The following DACH2 variants were observed in gnomAD, a reference collection of about 807,000 sequenced individuals.
The protein encoded by DACH2 is dachshund homolog 2.
DACH2 carries 17 observed loss-of-function variants against 35.8 expected under a neutral mutation model. The ratio of observed to expected loss-of-function variants is 0.48; its 90% CI spans 0.33 to 0.71. DACH2 has a LOEUF of 0.71. Among genes scored for constraint, DACH2 ranks in the 30% least tolerant of loss-of-function variants. DACH2 has a pLI of 0.02. For missense variants in DACH2, 469 were observed against 472.7 expected, an observed-to-expected ratio of 0.99 and a Z score of 0.07; for synonymous variants, 195 against 177.3, an observed-to-expected ratio of 1.10 and a Z score of -0.79.
At chrX:86,169,300 T>C (rs1373839522) in intron 1 of DACH2, among the ~76,000 whole-genome samples, 1 of 111,841 alleles carries the variant, frequency 8.9e-6, no homozygotes, top group Non-Finnish European at 1.9e-5. Flanking sequence ...TGTCATTTTT[T>C]CCTCTTACTG....
intron 4 of DACH2, among the ~76,000 whole-genome samples, chrX:86,683,359 C>T (rs943206216): frequency 1.8e-5 from 2 of 111,513 alleles, no homozygotes; most frequent in Non-Finnish European, 3.8e-5. Context: ...GAGCCATCTG[C>T]TTCTGCTTTC....
At chrX:86,784,118 A>G (rs1331443629) in intron 7 of DACH2, among the ~76,000 whole-genome samples, 1 of 110,216 alleles carries the variant, frequency 9.1e-6, no homozygotes, top group East Asian at 2.8e-4. Flanking sequence ...ATATACACCT[A>G]CAATGTACGG....
intron 4 of DACH2, among the ~76,000 whole-genome samples, chrX:86,682,121 A>T (rs1253743336): frequency 8.9e-6 from 1 of 111,816 alleles, no homozygotes; most frequent in Admixed American, 9.6e-5. Context: ...GGCCTTCAAT[A>T]CTTCATGATT....
At chrX:86,355,277 C>T (rs1216745872) in intron 1 of DACH2, among the ~76,000 whole-genome samples, 3 of 111,481 alleles carry the variant, frequency 2.7e-5, no homozygotes, top group Non-Finnish European at 5.7e-5. Context: ...GGTGTCCATA[C>T]ATATACACAT....
chrX:86,250,149 C>A (rs1049055661), intron 1 of DACH2, among the ~76,000 whole-genome samples: 5 of 111,416 alleles, frequency 4.5e-5, no homozygotes, highest in African/African-American at 1.6e-4. Context: ...CAAACCCCTG[C>A]ATTCCACAAT....
chrX:86,493,820 C>G (rs1450224907), intron 2 of DACH2, among the ~76,000 whole-genome samples: 3 of 111,914 alleles, frequency 2.7e-5, no homozygotes, highest in Admixed American at 1.9e-4. Context: ...CAGATAACAA[C>G]TTCATAATAA....
At chrX:86,709,236 G>A (rs866863889) in intron 5 of DACH2, among the ~76,000 whole-genome samples, 13 of 111,754 alleles carry the variant, frequency 1.2e-4, no homozygotes, top group Non-Finnish European at 2.4e-4. Context: ...AGAATAGAGA[G>A]CCTAGAAATA....
intron 1 of DACH2, among the ~76,000 whole-genome samples, chrX:86,168,382 A>G (rs1414433491): frequency 9.0e-6 from 1 of 111,048 alleles, no homozygotes; most frequent in East Asian, 2.8e-4. Flanking sequence ...TTCCATTGAC[A>G]TGGAATATTT....
At chrX:86,468,296 A>G (rs899798178) in intron 2 of DACH2, among the ~76,000 whole-genome samples, 3 of 111,452 alleles carry the variant, frequency 2.7e-5, no homozygotes, top group Non-Finnish European at 5.7e-5. Flanking sequence ...TACTGGCTAC[A>G]GTAATATTTT....
In DACH2 at chrX:86,190,868, C is replaced by T. The variant is rs182775110; in HGVS notation, c.488+41760C>T. Reference sequence around the variant, plus strand: ...CTGAAGCAGGAGAATCACTTGAACCCGGGAGGTGGAGTTTGTGGTGAGCTG... The same window carrying T: ...CTGAAGCAGGAGAATCACTTGAACCTGGGAGGTGGAGTTTGTGGTGAGCTG... On this transcript the variant is annotated intron_variant, in intron 1 of 11. Transcript: ENST00000373125. 6.6e-4 allele frequency among the ~76,000 whole-genome samples: 74 copies of T among 111,383 alleles called. No individual in the cohort carries two copies. In the Middle Eastern group the frequency reaches 0.014, roughly 21 times the overall value.
At chrX:86,590,861 C>T (rs2039635462) in intron 3 of DACH2, among the ~76,000 whole-genome samples, 1 of 110,448 alleles carries the variant, frequency 9.1e-6, no homozygotes, top group African/African-American at 3.3e-5. Context: ...ATGTGCACAA[C>T]GTGCAGGTTT....
At chrX:86,400,963 C>T (rs2036415596) in intron 2 of DACH2, among the ~76,000 whole-genome samples, 1 of 112,544 alleles carries the variant, frequency 8.9e-6, no homozygotes, top group African/African-American at 3.2e-5. Context: ...TTTGTCGGTG[C>T]CCTGCACCCA....
At chrX:86,369,719 A>G (rs2035857677) in intron 1 of DACH2, among the ~76,000 whole-genome samples, 1 of 111,634 alleles carries the variant, frequency 9.0e-6, no homozygotes, top group African/African-American at 3.2e-5. Flanking sequence ...TATTTTCATG[A>G]ATAGCTTTAT....
intron 7 of DACH2, among the ~76,000 whole-genome samples, chrX:86,800,567 T>C: frequency 8.9e-6 from 1 of 112,240 alleles, no homozygotes; most frequent in Non-Finnish European, 1.9e-5. Context: ...GTGCTTTTGG[T>C]AAAGGTTGTT....
At chrX:86,335,964 G>A (rs1264341478) in intron 1 of DACH2, among the ~76,000 whole-genome samples, 1 of 111,909 alleles carries the variant, frequency 8.9e-6, no homozygotes, top group Non-Finnish European at 1.9e-5. Context: ...ATGAAGGGCT[G>A]TTGAATTTTG....
intron 3 of DACH2, among the ~76,000 whole-genome samples, chrX:86,628,978 A>G (rs759781065): frequency 8.0e-5 from 9 of 112,454 alleles, no homozygotes; most frequent in African/African-American, 2.9e-4. Flanking sequence ...TAGCACTACA[A>G]TTTAATTTTA....
At chrX:86,236,786 T>C (rs1392822067) in intron 1 of DACH2, among the ~76,000 whole-genome samples, 4 of 112,194 alleles carry the variant, frequency 3.6e-5, no homozygotes, top group Non-Finnish European at 7.5e-5. Context: ...GAAGGAGTGG[T>C]GAGTGAATGT....
intron 11 of DACH2, among the ~76,000 whole-genome samples, chrX:86,823,139 T>C (rs893130058): frequency 3.6e-5 from 4 of 110,265 alleles, no homozygotes; most frequent in African/African-American, 1.3e-4. Flanking sequence ...TTCACCATGT[T>C]GTTCAGGCTG....
At chrX:86,201,962 G>A (rs1017470724) in intron 1 of DACH2, among the ~76,000 whole-genome samples, 4 of 110,984 alleles carry the variant, frequency 3.6e-5, no homozygotes, top group African/African-American at 9.8e-5. Context: ...AATTATAACC[G>A]CCTTACTTGC....
Sources: gnomAD v4.1 joint callset for allele counts (sites outside exome capture counted in the v4.1 genomes callset) on GRCh38, gnomAD v4.1.1 for gene constraint, MANE v1.5 for transcripts, NCBI Gene and HGNC (gene_info 2026-07-23, HGNC 2026-07-21) for gene names.